Variants in ZNF804A observed in about 807,000 individuals in gnomAD.
The protein encoded by ZNF804A is zinc finger protein 804A.
ZNF804A carries 2 observed loss-of-function variants against 16.5 expected under a neutral mutation model. The ratio of observed to expected loss-of-function variants is 0.12; its 90% CI spans 0.05 to 0.38. The LOEUF (loss-of-function observed/expected upper bound fraction) is 0.38, where lower values mean the gene tolerates loss of function less well. Ranked by LOEUF, ZNF804A falls within the 10% of genes least tolerant of loss-of-function variation. The pLI is 0.99. For synonymous variants in ZNF804A, 534 were observed against 489.6 expected, an observed-to-expected ratio of 1.09 and a Z score of -1.20; for missense variants, 1,473 against 1,390.7, an observed-to-expected ratio of 1.06 and a Z score of -0.94.
At chr2:184,685,834 G>A (rs1692619203) in intron 1 of ZNF804A, among the ~76,000 whole-genome samples, 1 of 152,160 alleles carries the variant, frequency 6.6e-6, no homozygotes, top group Admixed American at 6.5e-5. Flanking sequence ...GTCCCTTTCA[G>A]CCTAGAAACC....
chr2:184,676,568 A>T (rs1217912983), intron 1 of ZNF804A, among the ~76,000 whole-genome samples: 1 of 151,724 alleles, frequency 6.6e-6, no homozygotes, highest in Non-Finnish European at 1.5e-5. Context: ...TATGTTAATA[A>T]TTTCCACTAC....
intron 1 of ZNF804A, among the ~76,000 whole-genome samples, chr2:184,850,744 TG>T (rs928861888): frequency 7.2e-5 from 11 of 151,854 alleles, no homozygotes; most frequent in African/African-American, 2.4e-4. Flanking sequence ...GCATTTTAAA[TG>T]TTAATTAGAT....
chr2:184,772,996 G>A (rs570530078), intron 1 of ZNF804A, among the ~76,000 whole-genome samples: 1 of 146,080 alleles, frequency 6.8e-6, no homozygotes, highest in Non-Finnish European at 1.5e-5. Flanking sequence ...TGTGTGGGGT[G>A]TGTGTGTGTA....
At chr2:184,681,155 T>A (rs1418566368) in intron 1 of ZNF804A, among the ~76,000 whole-genome samples, 1 of 151,960 alleles carries the variant, frequency 6.6e-6, no homozygotes, top group Non-Finnish European at 1.5e-5. Context: ...CCTGGCTGAG[T>A]GGGTGGAATG....
At chr2:184,697,471 G>C (rs1574167795) in intron 1 of ZNF804A, among the ~76,000 whole-genome samples, 1 of 151,842 alleles carries the variant, frequency 6.6e-6, no homozygotes, top group Non-Finnish European at 1.5e-5. Context: ...TGAATAAATT[G>C]CTAATCCTAT....
At chr2:184,815,196 G>A (rs987355688) in intron 1 of ZNF804A, among the ~76,000 whole-genome samples, 2 of 151,764 alleles carry the variant, frequency 1.3e-5, no homozygotes, top group African/African-American at 4.8e-5. Context: ...ATTATCCACA[G>A]ATTAAGTAAT....
At chr2:184,867,866 C>G (rs1296326956) in intron 2 of ZNF804A, among the ~76,000 whole-genome samples, 1 of 151,992 alleles carries the variant, frequency 6.6e-6, no homozygotes, top group African/African-American at 2.4e-5. Context: ...TATCTAAAAG[C>G]CTGAGTATAT....
In ZNF804A at chr2:184,822,700, G is replaced by A. The variant is rs1695102296; in HGVS notation, c.112-43669G>A. 5.9e-5 allele frequency among the ~76,000 whole-genome samples: 9 copies of A among 152,018 alleles called. 2 individuals are homozygous for A. The highest frequency in any genetic ancestry group is 2.6e-4 in the Admixed American group (4 of 15,220). On this transcript the variant is annotated intron_variant, in intron 1 of 3. Coordinates refer to ENST00000302277, the MANE Select transcript of ZNF804A (RefSeq NM_194250.2). ...GATAGAACTTTGGGTGAGGAATGGT[G>A]AATTCCATTTTGTTGAATTTAAATT...
rs142213911 is a variant in ZNF804A at position 184,689,354 on chromosome 2, A to G, written c.111+90284A>G. 9.0e-3 allele frequency among the ~76,000 whole-genome samples: 1,372 copies of G among 152,240 alleles called. 22 individuals are homozygous for G. The highest frequency in any genetic ancestry group is 0.032 in the African/African-American group (1,313 of 41,562). ...ACAATAAAAGAAAAATAAACCTGACATTAGCAGTCTAGTGTTCAAATTTTT... is the reference window on the plus strand; with the variant it reads ...ACAATAAAAGAAAAATAAACCTGACGTTAGCAGTCTAGTGTTCAAATTTTT... On this transcript the variant is annotated intron_variant, in intron 1 of 3. Coordinates refer to ENST00000302277, the MANE Select transcript of ZNF804A (RefSeq NM_194250.2).
chr2:184,619,287 G>A (rs922383245), intron 1 of ZNF804A, among the ~76,000 whole-genome samples: 3 of 152,008 alleles, frequency 2.0e-5, no homozygotes, highest in Non-Finnish European at 4.4e-5. Context: ...CAACTATAAT[G>A]TAGTTAGAAG....
At chr2:184,731,422 C>T (rs1187619719) in intron 1 of ZNF804A, among the ~76,000 whole-genome samples, 1 of 151,860 alleles carries the variant, frequency 6.6e-6, no homozygotes, top group African/African-American at 2.4e-5. Flanking sequence ...GGATTTTGGC[C>T]ATTCGAATAG....
At chr2:184,772,903 T>TAC (rs60984699) in intron 1 of ZNF804A, among the ~76,000 whole-genome samples, 42 of 143,016 alleles carry the variant, frequency 2.9e-4, no homozygotes, top group African/African-American at 9.6e-4. Flanking sequence ...TTAAAATACA[T>TAC]ACACACACAC....
chr2:184,792,517 T>C (rs756262223), intron 1 of ZNF804A, among the ~76,000 whole-genome samples: 1 of 152,194 alleles, frequency 6.6e-6, no homozygotes, highest in Non-Finnish European at 1.5e-5. Flanking sequence ...TTGATCATTT[T>C]TTCATTGAGT....
At chr2:184,834,466 A>G (rs1695311993) in intron 1 of ZNF804A, among the ~76,000 whole-genome samples, 1 of 152,066 alleles carries the variant, frequency 6.6e-6, no homozygotes. Context: ...TTTCTACCAG[A>G]ATGCCATTTC....
At chr2:184,785,064 T>C (rs774127724) in intron 1 of ZNF804A, among the ~76,000 whole-genome samples, 5 of 152,000 alleles carry the variant, frequency 3.3e-5, no homozygotes, top group Non-Finnish European at 4.4e-5. Flanking sequence ...TAAACATTTC[T>C]ATTGCTCATA....
intron 1 of ZNF804A, among the ~76,000 whole-genome samples, chr2:184,747,298 G>A (rs1242752955): frequency 9.1e-5 from 11 of 120,662 alleles, no homozygotes; most frequent in African/African-American, 2.6e-4. Context: ...TTTTTCTTCC[G>A]CTCTTTGCAA....
At chr2:184,627,280 T>C (rs938384108) in intron 1 of ZNF804A, among the ~76,000 whole-genome samples, 1 of 152,152 alleles carries the variant, frequency 6.6e-6, no homozygotes, top group Non-Finnish European at 1.5e-5. Flanking sequence ...TTAACCAGTA[T>C]ATCAAAATTT....
chr2:184,924,991 TGAA>T (rs1366116455), intron 2 of ZNF804A, among the ~76,000 whole-genome samples: 1 of 152,056 alleles, frequency 6.6e-6, no homozygotes, highest in Non-Finnish European at 1.5e-5. Context: ...ATCCATATAA[TGAA>T]GAAAAGAATG....
intron 1 of ZNF804A, among the ~76,000 whole-genome samples, chr2:184,748,920 T>C (rs1693835626): frequency 6.6e-6 from 1 of 151,472 alleles, no homozygotes; most frequent in Non-Finnish European, 1.5e-5. Context: ...ATTTCTGAGT[T>C]TTCTAGTCTG....
Sources: allele counts gnomAD v4.1 joint callset (sites outside exome capture counted in the v4.1 genomes callset), GRCh38; gene constraint gnomAD v4.1.1; transcripts MANE v1.5; gene names NCBI Gene and HGNC (gene_info 2026-07-23, HGNC 2026-07-21).